The following DDX60 variants were observed in gnomAD, a reference collection of about 807,000 sequenced individuals.
DDX60 encodes DExD/H-box helicase 60.
Under a neutral mutation model 212.8 loss-of-function variants are expected in DDX60, and 165 were observed. That is an observed-to-expected ratio of 0.78 (90% CI 0.68 to 0.88). The LOEUF is 0.88. DDX60 is among the 40% of genes least tolerant of loss of function. The probability of loss-of-function intolerance (pLI) is 0.00; values close to 1 mark genes in which losing one functional copy is unlikely to be tolerated. For missense variants in DDX60, 1,905 were observed against 2,003.9 expected (o/e 0.95, Z 0.94); for synonymous variants, 703 against 685.3 (o/e 1.03, Z -0.40).
Position 168,274,167 on chromosome 4 carries a change from C to T in DDX60, c.2305-84G>A, listed in dbSNP as rs1044497054. The T allele has an allele frequency of 3.0e-5, 46 of 1,531,110 alleles. No homozygotes were observed. In the South Asian group the frequency reaches 4.1e-4, roughly 14 times the overall value. The allele number at this position is 1,531,110 out of a possible 1,614,324, so 94.8% of individuals were successfully genotyped here. A position where few individuals can be genotyped will look rare whatever the true frequency, so the allele number is the denominator to read the frequency against. The stretch of plus-strand genomic sequence containing the variant: ...AGACAGTATTTATAGACTTCCAATA[C>T]GATTTTCTGAACCTCAAAGGATCTG... On this transcript the variant is annotated intron_variant, in intron 16 of 37. Coordinates refer to ENST00000393743, the MANE Select transcript of DDX60 (RefSeq NM_017631.6).
intron 36 of DDX60, among the ~76,000 whole-genome samples, chr4:168,221,223 T>C (rs1393251852): frequency 6.6e-6 from 1 of 152,112 alleles, no homozygotes; most frequent in African/African-American, 2.4e-5. Flanking sequence ...CCCAAATCTA[T>C]GTGCTCAGTG....
chr4:168,218,754 T>C (rs1400137305), intron 37 of DDX60, among the ~76,000 whole-genome samples: 1 of 152,164 alleles, frequency 6.6e-6, no homozygotes, highest in African/African-American at 2.4e-5. Flanking sequence ...TTGGAGTCTA[T>C]CCCTGACACA....
At position 168,287,177 on chromosome 4, in the gene DDX60, T is replaced by C. The variant is rs754949606; in HGVS notation, c.1210A>G (p.Ile404Val). 7 of 1,609,306 alleles carry C rather than the reference T, an allele frequency of 4.3e-6. No homozygotes were observed. Among genetic ancestry groups the C allele is most frequent in the East Asian group, 2.2e-5 (1 of 44,604 alleles). ...CAGAGATATTCATAATCTTTCATAA[T>C]GGTATCTCCCAAATTCAAATGTAGG... ...KGLHLNLGDTIMKDYEYLWNT... is the reference protein window; with the variant it reads ...KGLHLNLGDTVMKDYEYLWNT... Residue 404 changes from isoleucine to valine, a missense_variant, in exon 10 of 38, where the codon ATT becomes GTT. Coordinates refer to ENST00000393743, the MANE Select transcript of DDX60 (RefSeq NM_017631.6).
chr4:168,274,004 G>C lies in DDX60; in HGVS notation c.2384C>G (p.Ser795Cys). 6.2e-7 allele frequency: 1 copy of C among 1,614,216 alleles called. No homozygotes were observed. The highest frequency in any genetic ancestry group is 8.5e-7 in the Non-Finnish European group (1 of 1,180,036). The change falls in exon 17 of 38, where the codon TCC becomes TGC. Residue 795 changes from serine (S) to cysteine (C), a missense_variant. Physicochemically the swap from Ser to Cys is moderately radical, Grantham distance 112 (BLOSUM62 -1). Coordinates refer to ENST00000393743, the MANE Select transcript of DDX60 (RefSeq NM_017631.6). Reference protein sequence around the residue: ...APTSSGKTYASYYCMEKVLKE... With the variant: ...APTSSGKTYACYYCMEKVLKE... The stretch of plus-strand genomic sequence containing the variant: ...CAGCACTTTCTCCATACAGTAGTAG[G>C]AGGCATAGGTTTTGCCTGAGGACGT...
At chr4:168,292,265 G>A (rs542414162) in intron 7 of DDX60, among the ~76,000 whole-genome samples, 3 of 151,808 alleles carry the variant, frequency 2.0e-5, no homozygotes, top group Admixed American at 6.6e-5. Flanking sequence ...GGCTGGTCTC[G>A]AACTCCTGAC....
At chr4:168,239,415 G>GAT (rs1578985478) in intron 30 of DDX60, among the ~76,000 whole-genome samples, 1 of 122,470 alleles carries the variant, frequency 8.2e-6, no homozygotes, top group Non-Finnish European at 1.8e-5. Flanking sequence ...GATAGATAGA[G>GAT]GTAGGTAGAT....
Position 168,255,706 on chromosome 4 carries a change from C to T in DDX60, c.3557+5G>A. The T allele has an allele frequency of 6.3e-7, 1 of 1,579,030 alleles. No individual in the cohort carries two copies. ...ACTTATCAATTTGTTTAGTTAACTA[C>T]TTACATGATCTTTTGTTTCTCTATG... On this transcript the variant is annotated splice_donor_5th_base_variant and intron_variant, in intron 26 of 37. Transcript: ENST00000393743.
chr4:168,313,215 C>G (rs1737217980), intron 1 of DDX60, among the ~76,000 whole-genome samples: 1 of 152,066 alleles, frequency 6.6e-6, no homozygotes, highest in Admixed American at 6.6e-5. Flanking sequence ...GTTTCAAGAA[C>G]AGGTTGAAAA....
rs750333789 is a variant in DDX60 at position 168,273,930 on chromosome 4, C to T, written c.2454+4G>A. ...AGAGAATATTATAGTCACTTGAGCA[C>T]TACCTTTGTGGGTGCAACGTACACG... is the stretch of plus-strand genomic sequence containing the variant. On this transcript the variant is annotated splice_donor_region_variant and intron_variant, in intron 17 of 37. Coordinates refer to ENST00000393743, the MANE Select transcript of DDX60 (RefSeq NM_017631.6). The T allele has an allele frequency of 1.2e-6, 2 of 1,612,804 alleles. No homozygotes were observed. Among genetic ancestry groups the T allele is most frequent in the South Asian group, 1.1e-5 (1 of 90,908 alleles).
intron 22 of DDX60, among the ~76,000 whole-genome samples, chr4:168,266,408 A>G (rs997127681): frequency 1.1e-4 from 17 of 152,214 alleles, no homozygotes; most frequent in Non-Finnish European, 2.9e-5. Flanking sequence ...TATTCTAGTA[A>G]GTAAAGACTA....
At chr4:168,288,602 A>G (rs1048951688) in intron 8 of DDX60, among the ~76,000 whole-genome samples, 1 of 152,242 alleles carries the variant, frequency 6.6e-6, no homozygotes, top group Non-Finnish European at 1.5e-5. Context: ...TGTTACCCAC[A>G]GATAGAATTC....
At chr4:168,318,897 A>G (rs1184098037), upstream of DDX60, 3 of 152,258 alleles carry the variant, frequency 2.0e-5, no homozygotes, top group Admixed American at 2.0e-4. Context: ...CCTTCCCTTC[A>G]ATCAGAATCT....
chr4:168,274,523 T>C (rs901123685), intron 16 of DDX60, among the ~76,000 whole-genome samples: 3 of 152,148 alleles, frequency 2.0e-5, no homozygotes, highest in Admixed American at 2.0e-4. Flanking sequence ...AGCCGAAGAA[T>C]GTTGACTAGC....
At chr4:168,311,475 A>G in intron 1 of DDX60, 110 bp from the exon 2 acceptor site, 1 of 508,310 alleles carries the variant, frequency 2.0e-6, no homozygotes, top group South Asian at 3.7e-5. Flanking sequence ...GAACAAATCA[A>G]CATTGCTGAC....
intron 5 of DDX60, among the ~76,000 whole-genome samples, chr4:168,303,119 G>A (rs909549989): frequency 3.3e-5 from 5 of 151,702 alleles, no homozygotes; most frequent in Middle Eastern, 3.4e-3. Flanking sequence ...TGGCTAACAC[G>A]GTGAAACCCC....
chr4:168,267,792 A>G, intron 21 of DDX60, 49 bp downstream of exon 21: 1 of 1,550,738 alleles, frequency 6.4e-7, no homozygotes, highest in Non-Finnish European at 8.7e-7. Context: ...CAGATTTTTT[A>G]AAAATAATAA....
At chr4:168,262,447 G>A (rs1359083114) in intron 23 of DDX60, among the ~76,000 whole-genome samples, 2 of 149,628 alleles carry the variant, frequency 1.3e-5, no homozygotes, top group Admixed American at 6.7e-5. Context: ...AGTTGCAGAA[G>A]TTGAAAAGAT....
intron 7 of DDX60, among the ~76,000 whole-genome samples, chr4:168,293,550 T>G (rs2149536920): frequency 6.6e-6 from 1 of 152,290 alleles, no homozygotes; most frequent in South Asian, 2.1e-4. Flanking sequence ...TCATTTTCTT[T>G]TGGATGATTT....
rs538087376 is a variant in DDX60 at position 168,269,875 on chromosome 4, C to T, written c.2671-906G>A. Among the ~76,000 whole-genome samples the T allele has an allele frequency of 2.6e-5, 4 of 152,260 alleles. No homozygotes were observed. In the East Asian group the frequency reaches 7.7e-4, roughly 29 times the overall value. On this transcript the variant is annotated intron_variant, in intron 19 of 37. Coordinates refer to ENST00000393743, the MANE Select transcript of DDX60 (RefSeq NM_017631.6). ...TATATTATTCCCTCTGCTTAAAATA[C>T]TCTTACCCTCTATTATTCAAATGGT...
Sources: allele counts gnomAD v4.1 joint callset (sites outside exome capture counted in the v4.1 genomes callset), GRCh38; gene constraint gnomAD v4.1.1; transcripts MANE v1.5; gene names NCBI Gene and HGNC (gene_info 2026-07-23, HGNC 2026-07-21).